DPP10: variants seen among roughly 807,000 people sequenced by gnomAD.
The protein encoded by DPP10 is inactive dipeptidyl peptidase 10.
A neutral mutation model predicts 120.9 loss-of-function variants in DPP10; 33 were observed. That is an observed-to-expected ratio of 0.27 (90% CI 0.21 to 0.37). DPP10 has a LOEUF of 0.37. Ranked by LOEUF, DPP10 falls within the 10% of genes least tolerant of loss-of-function variation. The pLI is 1.00. For synonymous variants in DPP10, 337 were observed against 326.1 expected, an observed-to-expected ratio of 1.03 and a Z score of -0.36; for missense variants, 816 against 942.8, an observed-to-expected ratio of 0.87 and a Z score of 1.76.
intron 1 of DPP10, among the ~76,000 whole-genome samples, chr2:114,478,706 T>C (rs1216272451): frequency 1.3e-5 from 2 of 152,104 alleles, no homozygotes; most frequent in Non-Finnish European, 2.9e-5. Context: ...AAAACTTACA[T>C]AACAAGTGGA....
At chr2:115,162,027 A>C (rs1375832880) in intron 1 of DPP10, 4 of 1,400,060 alleles carry the variant, frequency 2.9e-6, no homozygotes, top group East Asian at 3.0e-5. Context: ...CCGGCGGACC[A>C]GGTGAGAGTC....
At chr2:114,883,760 C>A (rs1691834673) in intron 1 of DPP10, among the ~76,000 whole-genome samples, 1 of 152,190 alleles carries the variant, frequency 6.6e-6, no homozygotes, top group South Asian at 2.1e-4. Context: ...TGGGCTCGGG[C>A]TGGGTTCTGA....
chr2:115,079,143 C>T (rs542381366), intron 1 of DPP10, among the ~76,000 whole-genome samples: 45 of 152,196 alleles, frequency 3.0e-4, no homozygotes, highest in Admixed American at 5.9e-4. Flanking sequence ...CACTTTGGGG[C>T]GCTGAGGCGG....
chr2:115,658,248 T>A (rs999335379), intron 5 of DPP10, among the ~76,000 whole-genome samples: 5 of 152,060 alleles, frequency 3.3e-5, no homozygotes, highest in African/African-American at 1.2e-4. Context: ...TGATTACTAA[T>A]TGATATGCAT....
intron 21 of DPP10, among the ~76,000 whole-genome samples, chr2:115,827,448 G>GA (rs1688488986): frequency 2.9e-5 from 2 of 68,414 alleles, no homozygotes; most frequent in African/African-American, 5.1e-5. Flanking sequence ...ATATATATAT[G>GA]CTCTACAGTG....
chr2:115,130,493 C>T (rs1434824677), intron 1 of DPP10, among the ~76,000 whole-genome samples: 2 of 143,090 alleles, frequency 1.4e-5, no homozygotes, highest in African/African-American at 5.6e-5. Flanking sequence ...TGCATCCATC[C>T]ATCCATCTAT....
At chr2:114,666,222 T>C (rs1345724782) in intron 1 of DPP10, among the ~76,000 whole-genome samples, 1 of 152,180 alleles carries the variant, frequency 6.6e-6, no homozygotes, top group Non-Finnish European at 1.5e-5. Flanking sequence ...TTTTAATGAG[T>C]AGATGAATGA....
intron 2 of DPP10, among the ~76,000 whole-genome samples, chr2:115,325,102 G>T (rs896615608): frequency 2.6e-5 from 4 of 152,038 alleles, no homozygotes; most frequent in African/African-American, 9.7e-5. Context: ...AAAATTGTGA[G>T]AATTACCGAA....
intron 1 of DPP10, among the ~76,000 whole-genome samples, chr2:114,989,681 T>A (rs1216687547): frequency 6.6e-6 from 1 of 152,182 alleles, no homozygotes; most frequent in Non-Finnish European, 1.5e-5. Flanking sequence ...GAAACTGGAC[T>A]GGGGAGATTA....
intron 7 of DPP10, among the ~76,000 whole-genome samples, chr2:115,717,709 G>A (rs891765804): frequency 2.0e-5 from 3 of 152,182 alleles, no homozygotes; most frequent in East Asian, 1.9e-4. Context: ...TTTGAACATA[G>A]GAATGTGTTC....
At position 115,087,835 on chromosome 2, in the gene DPP10, T is replaced by C. The variant is rs560846508; in HGVS notation, c.61-221404T>C. ...TCCCAAAGTGCTGGGATTACAGGCA[T>C]GAGTCACCGCACCCAGCCAACTCTG... On this transcript the variant is annotated intron_variant, in intron 1 of 25. Coordinates refer to ENST00000410059, the MANE Select transcript of DPP10 (RefSeq NM_020868.6). Among the ~76,000 whole-genome samples, 12 of 152,286 alleles carry C rather than the reference T, an allele frequency of 7.9e-5. No individual in the cohort carries two copies. The South Asian group carries it at 2.5e-3, about 32-fold the overall frequency.
At chr2:115,759,261 A>G (rs1356545599) in intron 11 of DPP10, among the ~76,000 whole-genome samples, 1 of 152,098 alleles carries the variant, frequency 6.6e-6, no homozygotes, top group South Asian at 2.1e-4. Context: ...AACATATGAA[A>G]AAGTACTCAA....
chr2:115,285,587 C>G (rs182025702), intron 1 of DPP10, among the ~76,000 whole-genome samples: 9 of 151,994 alleles, frequency 5.9e-5, no homozygotes, highest in Non-Finnish European at 1.2e-4. Context: ...GTAAGCAGTA[C>G]CACACTTGGT....
At chr2:114,488,657 C>T (rs960493987) in intron 1 of DPP10, among the ~76,000 whole-genome samples, 7 of 152,142 alleles carry the variant, frequency 4.6e-5, no homozygotes, top group African/African-American at 7.2e-5. Flanking sequence ...CATAGCCGTA[C>T]GATAATTATT....
chr2:115,804,818 A>G (rs1575830577), intron 19 of DPP10, among the ~76,000 whole-genome samples: 2 of 152,264 alleles, frequency 1.3e-5, no homozygotes, highest in East Asian at 3.9e-4. Context: ...GTACCCGGCT[A>G]TGTGAGGTGT....
At position 114,596,321 on chromosome 2, in the gene DPP10, T is replaced by C. The variant is rs549042656; in HGVS notation, c.60+153483T>C. 9.7e-4 allele frequency among the ~76,000 whole-genome samples: 147 copies of C among 152,002 alleles called. No individual in the cohort carries two copies. The South Asian group carries it at 0.014, about 15-fold the overall frequency. ...CATAGCAAGACCTCTCGTCCCTATA[T>C]ATATTCATGGTGACATTACAGCCAT... is the stretch of plus-strand genomic sequence containing the variant. On this transcript the variant is annotated intron_variant, in intron 1 of 25. Transcript: ENST00000410059.
chr2:115,408,415 G>T (rs1252489741), intron 3 of DPP10, among the ~76,000 whole-genome samples: 2 of 152,098 alleles, frequency 1.3e-5, no homozygotes, highest in Non-Finnish European at 2.9e-5. Context: ...AGTCTTGAAG[G>T]TGGGCTTTTG....
At chr2:115,196,088 T>C (rs929503900) in intron 1 of DPP10, among the ~76,000 whole-genome samples, 4 of 152,216 alleles carry the variant, frequency 2.6e-5, no homozygotes, top group Non-Finnish European at 5.9e-5. Flanking sequence ...GTCCTTTTTT[T>C]CCCAGGGACC....
At chr2:114,995,928 C>T (rs571276307) in intron 1 of DPP10, among the ~76,000 whole-genome samples, 1 of 152,226 alleles carries the variant, frequency 6.6e-6, no homozygotes, top group East Asian at 1.9e-4. Context: ...CAGATAAAGA[C>T]AGTTTTCACT....
Sources: allele counts gnomAD v4.1 joint callset (sites outside exome capture counted in the v4.1 genomes callset), GRCh38; gene constraint gnomAD v4.1.1; transcripts MANE v1.5; gene names NCBI Gene and HGNC (gene_info 2026-07-23, HGNC 2026-07-21).